The following EPHA6 variants were observed in gnomAD, a reference collection of about 807,000 sequenced individuals.
The protein encoded by EPHA6 is EPH receptor A6.
EPHA6 carries 50 observed loss-of-function variants against 112.0 expected under a neutral mutation model. The observed-to-expected ratio is 0.45, with a 90% confidence interval of 0.36 to 0.56. EPHA6 has a LOEUF of 0.56. EPHA6 is among the 20% of genes least tolerant of loss of function. The pLI, the probability that EPHA6 is intolerant of heterozygous loss-of-function variation, is 0.00. For missense variants in EPHA6, 1,280 were observed against 1,417.4 expected, an observed-to-expected ratio of 0.90 and a Z score of 1.56; for synonymous variants, 529 against 490.7, an observed-to-expected ratio of 1.08 and a Z score of -1.03.
intron 14 of EPHA6, among the ~76,000 whole-genome samples, chr3:97,647,391 G>A (rs573309561): frequency 1.8e-3 from 280 of 152,222 alleles, no homozygotes; most frequent in Non-Finnish European, 3.2e-3. Flanking sequence ...GGTATAGTAT[G>A]TAAGCCCTGA....
At chr3:97,541,857 C>T (rs1299364989) in intron 11 of EPHA6, among the ~76,000 whole-genome samples, 3 of 150,720 alleles carry the variant, frequency 2.0e-5, no homozygotes, top group Non-Finnish European at 4.4e-5. Flanking sequence ...TCAGGGTTCT[C>T]TTAGAAGGAC....
chr3:97,547,382 T>C (rs532083674), intron 11 of EPHA6, among the ~76,000 whole-genome samples: 64 of 152,278 alleles, frequency 4.2e-4, no homozygotes, highest in Non-Finnish European at 9.0e-4. Context: ...GAACAGCAGA[T>C]GTGGGTGAAC....
At chr3:96,873,977 A>C (rs1185462655) in intron 2 of EPHA6, among the ~76,000 whole-genome samples, 2 of 152,102 alleles carry the variant, frequency 1.3e-5, no homozygotes, top group Non-Finnish European at 2.9e-5. Flanking sequence ...ACCTGAGAAG[A>C]GTTTCAGAAC....
At chr3:97,311,676 T>C (rs2081570563) in intron 5 of EPHA6, among the ~76,000 whole-genome samples, 1 of 151,756 alleles carries the variant, frequency 6.6e-6, no homozygotes, top group South Asian at 2.1e-4. Flanking sequence ...CACACTGACT[T>C]TATTACTGTG....
At chr3:97,531,341 T>C (rs1577681065) in intron 10 of EPHA6, among the ~76,000 whole-genome samples, 2 of 152,188 alleles carry the variant, frequency 1.3e-5, no homozygotes, top group Non-Finnish European at 1.5e-5. Flanking sequence ...CATTACCTTT[T>C]ATCCACAATA....
intron 2 of EPHA6, among the ~76,000 whole-genome samples, chr3:96,938,250 T>A (rs139384071): frequency 0.069 from 10,510 of 152,230 alleles, 706 homozygotes; most frequent in Admixed American, 0.21. Flanking sequence ...GCATGGAATG[T>A]TTTTCCATTT....
At chr3:96,904,691 C>T (rs975600957) in intron 2 of EPHA6, among the ~76,000 whole-genome samples, 2 of 151,820 alleles carry the variant, frequency 1.3e-5, no homozygotes, top group African/African-American at 4.8e-5. Context: ...ATTAACAACT[C>T]TTTTGATGTA....
intron 11 of EPHA6, among the ~76,000 whole-genome samples, chr3:97,584,145 T>C (rs1484393528): frequency 2.0e-5 from 3 of 152,230 alleles, no homozygotes; most frequent in Non-Finnish European, 2.9e-5. Context: ...AAACTCAATC[T>C]GTTATTTTAC....
chr3:96,891,366 A>C (rs1300899111), intron 2 of EPHA6, among the ~76,000 whole-genome samples: 2 of 152,236 alleles, frequency 1.3e-5, no homozygotes, highest in African/African-American at 4.8e-5. Flanking sequence ...CCACGTATGT[A>C]AAATTCAAAA....
intron 1 of EPHA6, among the ~76,000 whole-genome samples, chr3:96,853,098 A>C (rs1170708594): frequency 6.6e-6 from 1 of 152,118 alleles, no homozygotes; most frequent in Non-Finnish European, 1.5e-5. Flanking sequence ...AGAGGCTTCC[A>C]TACCTCCATA....
chr3:96,966,403 A>G (rs1290334015), intron 2 of EPHA6, among the ~76,000 whole-genome samples: 1 of 152,076 alleles, frequency 6.6e-6, no homozygotes, highest in Non-Finnish European at 1.5e-5. Flanking sequence ...GAGTACAGAA[A>G]AATGCCTCTG....
At chr3:97,450,673 T>C (rs546266496) in intron 7 of EPHA6, among the ~76,000 whole-genome samples, 3 of 152,196 alleles carry the variant, frequency 2.0e-5, no homozygotes, top group African/African-American at 7.2e-5. Flanking sequence ...AGAAAGGTTT[T>C]GTACTCACAA....
intron 1 of EPHA6, among the ~76,000 whole-genome samples, chr3:96,840,656 G>A (rs755655651): frequency 2.6e-5 from 4 of 152,048 alleles, no homozygotes; most frequent in Non-Finnish European, 4.4e-5. Flanking sequence ...CTGGGTGAAG[G>A]TACAATTCTG....
intron 14 of EPHA6, among the ~76,000 whole-genome samples, chr3:97,700,723 AT>A (rs1186647827): frequency 1.2e-4 from 18 of 152,346 alleles, no homozygotes; most frequent in African/African-American, 3.6e-4. Flanking sequence ...CATATAAAAT[AT>A]ATGCATATAT....
chr3:97,179,423 G>A (rs2076923254), intron 3 of EPHA6, among the ~76,000 whole-genome samples: 1 of 152,016 alleles, frequency 6.6e-6, no homozygotes, highest in Non-Finnish European at 1.5e-5. Flanking sequence ...GCTAATGCTA[G>A]TAGCTGTTCT....
intron 1 of EPHA6, among the ~76,000 whole-genome samples, chr3:96,863,629 A>G (rs1199832538): frequency 1.3e-5 from 2 of 152,142 alleles, no homozygotes; most frequent in East Asian, 1.9e-4. Context: ...CATTTGCACT[A>G]TAATAGGTAC....
intron 5 of EPHA6, among the ~76,000 whole-genome samples, chr3:97,250,829 T>A (rs985651855): frequency 4.6e-5 from 7 of 152,188 alleles, no homozygotes; most frequent in Non-Finnish European, 8.8e-5. Flanking sequence ...GTTGTTAATA[T>A]TTAACACTGG....
At chr3:97,162,893 C>T (rs894471501) in intron 3 of EPHA6, among the ~76,000 whole-genome samples, 3 of 152,112 alleles carry the variant, frequency 2.0e-5, no homozygotes, top group African/African-American at 7.2e-5. Flanking sequence ...ATGTCATAGT[C>T]CTTCTCGACT....
intron 16 of EPHA6, among the ~76,000 whole-genome samples, chr3:97,737,858 C>A (rs939082811): frequency 2.0e-5 from 3 of 151,674 alleles, no homozygotes; most frequent in African/African-American, 7.3e-5. Context: ...AAGACATGAA[C>A]TGAACAAAAA....
Sources: allele counts gnomAD v4.1 joint callset (sites outside exome capture counted in the v4.1 genomes callset), GRCh38; gene constraint gnomAD v4.1.1; transcripts MANE v1.5; gene names NCBI Gene and HGNC (gene_info 2026-07-23, HGNC 2026-07-21).